The following CAPZB variants were observed in gnomAD, a reference collection of about 807,000 sequenced individuals.
CAPZB encodes the protein F-actin-capping protein subunit beta.
A neutral mutation model predicts 38.1 loss-of-function variants in CAPZB; 2 were observed. The observed-to-expected ratio is 0.05, with a 90% CI of 0.02 to 0.17. The LOEUF (loss-of-function observed/expected upper bound fraction) is 0.17. Among genes scored for constraint, CAPZB ranks in the 10% least tolerant of loss-of-function variants. The pLI is 1.00. For synonymous variants in CAPZB, 107 were observed against 127.4 expected (o/e 0.84, Z 1.08); for missense variants, 161 against 334.2 (o/e 0.48, Z 4.04).
At chr1:19,380,138 T>A (rs2094166232) in intron 3 of CAPZB, among the ~76,000 whole-genome samples, 1 of 152,216 alleles carries the variant, frequency 6.6e-6, no homozygotes, top group Non-Finnish European at 1.5e-5. Flanking sequence ...GGAACCAGAA[T>A]AAGCTGGGCG....
At chr1:19,395,248 C>T (rs1022363715) in intron 2 of CAPZB, among the ~76,000 whole-genome samples, 7 of 152,148 alleles carry the variant, frequency 4.6e-5, no homozygotes, top group East Asian at 1.9e-4. Flanking sequence ...TGAGGCTGGC[C>T]GAGAGGGCCA....
chr1:19,387,381 C>T (rs1447095396), intron 2 of CAPZB, among the ~76,000 whole-genome samples: 1 of 152,232 alleles, frequency 6.6e-6, no homozygotes, highest in East Asian at 1.9e-4. Flanking sequence ...CCACAGAGCC[C>T]TTCAACTGGA....
chr1:19,339,763 C>T, intron 8 of CAPZB, 146 bp from the exon 9 acceptor site: 3 of 708,596 alleles, frequency 4.2e-6, no homozygotes, highest in Non-Finnish European at 5.1e-6. Context: ...GGCTGGGCAT[C>T]TGCCCCTCTC....
intron 2 of CAPZB, among the ~76,000 whole-genome samples, chr1:19,388,189 G>C (rs887902254): frequency 6.6e-6 from 1 of 152,220 alleles, no homozygotes; most frequent in African/African-American, 2.4e-5. Context: ...ATTCATCTAT[G>C]AATCGAAAGC....
chr1:19,447,551 G>T (rs2094500784), intron 1 of CAPZB, among the ~76,000 whole-genome samples: 1 of 152,020 alleles, frequency 6.6e-6, no homozygotes, highest in Non-Finnish European at 1.5e-5. Flanking sequence ...TAATCTTTGA[G>T]GGAACTCAGC....
At chr1:19,437,222 G>A (rs996396898) in intron 1 of CAPZB, among the ~76,000 whole-genome samples, 35 of 152,164 alleles carry the variant, frequency 2.3e-4, no homozygotes, top group African/African-American at 7.7e-4. Flanking sequence ...ATAAGGAACC[G>A]TAAGCTAGGA....
intron 3 of CAPZB, among the ~76,000 whole-genome samples, chr1:19,378,881 C>T (rs2094157573): frequency 2.0e-5 from 3 of 152,202 alleles, no homozygotes; most frequent in South Asian, 2.1e-4. Context: ...CTCTCACTGG[C>T]TGTGAATGCT....
chr1:19,400,725 A>G (rs1373968944), intron 2 of CAPZB, among the ~76,000 whole-genome samples: 3 of 152,226 alleles, frequency 2.0e-5, no homozygotes, highest in African/African-American at 7.2e-5. Flanking sequence ...ACAGGAGTCC[A>G]TAAGGTTCCC....
chr1:19,448,196 G>T (rs561020174), intron 1 of CAPZB, among the ~76,000 whole-genome samples: 1 of 152,218 alleles, frequency 6.6e-6, no homozygotes, highest in South Asian at 2.1e-4. Context: ...AGGGTGGTGC[G>T]CCGCTGCGCA....
intron 1 of CAPZB, among the ~76,000 whole-genome samples, chr1:19,466,189 T>C (rs960986233): frequency 9.2e-5 from 14 of 152,174 alleles, no homozygotes; most frequent in South Asian, 4.1e-4. Flanking sequence ...TCTGTGCTCC[T>C]GGCCTACTCC....
intron 4 of CAPZB, among the ~76,000 whole-genome samples, chr1:19,368,772 A>ATGC (rs1208779652): frequency 2.0e-5 from 3 of 150,622 alleles, no homozygotes; most frequent in African/African-American, 7.4e-5. Flanking sequence ...GGCTCAAGTG[A>ATGC]TGCTCCCACC....
At chr1:19,353,385 G>A (rs1473037820) in intron 6 of CAPZB, among the ~76,000 whole-genome samples, 1 of 152,082 alleles carries the variant, frequency 6.6e-6, no homozygotes, top group East Asian at 1.9e-4. Flanking sequence ...CGAGTGAGGG[G>A]CTCTCATCTG....
chr1:19,442,241 A>G (rs1241385584), intron 1 of CAPZB, among the ~76,000 whole-genome samples: 1 of 152,210 alleles, frequency 6.6e-6, no homozygotes, highest in Non-Finnish European at 1.5e-5. Flanking sequence ...TGTTGTTTAC[A>G]TCGGGTACAC....
intron 1 of CAPZB, among the ~76,000 whole-genome samples, chr1:19,428,233 C>A (rs2133971): frequency 0.33 from 49,966 of 151,904 alleles, 8,321 homozygotes; most frequent in Middle Eastern, 0.39. Context: ...TGAAACCCCA[C>A]CTCTACTAAA....
intron 1 of CAPZB, among the ~76,000 whole-genome samples, chr1:19,439,554 G>C (rs954177245): frequency 3.3e-5 from 5 of 152,154 alleles, no homozygotes; most frequent in Admixed American, 6.5e-5. Flanking sequence ...ACGCGGTGCT[G>C]GCTGTTTGGC....
chr1:19,345,026 C>A (rs369803885), intron 7 of CAPZB, among the ~76,000 whole-genome samples, 161 bp downstream of exon 7: 3 of 152,194 alleles, frequency 2.0e-5, no homozygotes, highest in African/African-American at 7.2e-5. Context: ...AAATCAGAGG[C>A]TCCAAAAATA....
chr1:19,363,161 A>G (rs2094062970), intron 4 of CAPZB, among the ~76,000 whole-genome samples: 1 of 151,774 alleles, frequency 6.6e-6, no homozygotes, highest in Non-Finnish European at 1.5e-5. Flanking sequence ...CGCTCACTGC[A>G]GCCTCGACTT....
intron 6 of CAPZB, among the ~76,000 whole-genome samples, chr1:19,346,085 T>C (rs2093959007): frequency 6.6e-6 from 1 of 152,212 alleles, no homozygotes. Context: ...GAAGCCTTAT[T>C]TCCCTGACAA....
chr1:19,357,398 C>T lies in CAPZB; in HGVS notation c.471+24G>A, dbSNP rs2094027715. The stretch of plus-strand genomic sequence containing the variant: ...TGCCATCTGTACTTAGTGGCCCGGG[C>T]CACCAGCTGCTGGGAGGCAGTACCT... On this transcript the variant is annotated intron_variant, in intron 5 of 8. Coordinates refer to ENST00000264202, the MANE Select transcript of CAPZB (RefSeq NM_004930.5). The surrounding 1 kb of genome is among the most constrained non-coding windows in gnomAD (Gnocchi z 4.3). The T allele has an allele frequency of 1.2e-6, 2 of 1,612,356 alleles. No homozygotes were observed. Among genetic ancestry groups the T allele is most frequent in the Non-Finnish European group, 1.7e-6 (2 of 1,179,354 alleles).
Sources: allele counts gnomAD v4.1 joint callset (sites outside exome capture counted in the v4.1 genomes callset), GRCh38; gene constraint gnomAD v4.1.1; non-coding constraint Gnocchi (gnomAD v3.1); transcripts MANE v1.5; gene names NCBI Gene and HGNC (gene_info 2026-07-23, HGNC 2026-07-21).